Variants in SMYD3 observed in about 807,000 individuals in gnomAD.
SMYD3 encodes SET and MYND domain containing 3.
In SMYD3, 36 loss-of-function variants were observed where a neutral mutation model predicts 57.7. The ratio of observed to expected loss-of-function variants is 0.62; its 90% CI spans 0.48 to 0.82. The LOEUF is 0.82. SMYD3 is among the 40% of genes least tolerant of loss of function. The probability of loss-of-function intolerance (pLI) is 0.00; values close to 1 mark genes in which losing one functional copy is unlikely to be tolerated. For missense variants in SMYD3, 515 were observed against 538.8 expected, an observed-to-expected ratio of 0.96 and a Z score of 0.44; for synonymous variants, 211 against 195.0, an observed-to-expected ratio of 1.08 and a Z score of -0.68.
rs1450524193 is a variant in SMYD3 at position 246,374,555 on chromosome 1, T to G, written c.165-19461A>C. Reference sequence around the variant, plus strand: ...GTACCACAGTGCTGTCTCGTGTCCCTAAGCACAAGAAAGTTGTAATATATG... The same window carrying G: ...GTACCACAGTGCTGTCTCGTGTCCCGAAGCACAAGAAAGTTGTAATATATG... On this transcript the variant is annotated intron_variant, in intron 1 of 11. Coordinates refer to ENST00000490107, the MANE Select transcript of SMYD3 (RefSeq NM_001167740.2). Among the ~76,000 whole-genome samples the G allele has an allele frequency of 1.8e-4, 18 of 102,434 alleles. No individual in the cohort carries two copies. In the Admixed American group the frequency reaches 2.1e-3, roughly 12 times the overall value. The allele number at this position is 102,434 out of a possible 152,430, so 67.2% of individuals were successfully genotyped here.
chr1:246,328,847 C>G (rs887831958), intron 4 of SMYD3, among the ~76,000 whole-genome samples: 3 of 151,934 alleles, frequency 2.0e-5, no homozygotes, highest in African/African-American at 7.3e-5. Flanking sequence ...CCACTCCCCC[C>G]ACCCCACAAC....
intron 1 of SMYD3, among the ~76,000 whole-genome samples, chr1:246,410,197 C>T (rs1321002078): frequency 6.6e-6 from 1 of 152,160 alleles, no homozygotes; most frequent in East Asian, 1.9e-4. Flanking sequence ...GCCAGAATTT[C>T]CAACACTATA....
intron 5 of SMYD3, among the ~76,000 whole-genome samples, chr1:246,076,064 C>A (rs1346231586): frequency 1.3e-5 from 2 of 152,090 alleles, no homozygotes; most frequent in Admixed American, 6.6e-5. Flanking sequence ...TCAGCAAATT[C>A]TATTTCTTGC....
At chr1:245,762,130 T>A (rs1322807354) in intron 11 of SMYD3, among the ~76,000 whole-genome samples, 1 of 152,144 alleles carries the variant, frequency 6.6e-6, no homozygotes, top group African/African-American at 2.4e-5. Context: ...CCATGTTGAA[T>A]TAAATTGAAC....
intron 5 of SMYD3, among the ~76,000 whole-genome samples, chr1:246,027,733 C>T (rs1047559170): frequency 2.0e-5 from 3 of 152,156 alleles, no homozygotes; most frequent in African/African-American, 7.2e-5. Context: ...TGTTTTCTTG[C>T]CTACTAACAC....
intron 1 of SMYD3, among the ~76,000 whole-genome samples, chr1:246,393,596 T>C (rs2066605758): frequency 1.3e-5 from 2 of 149,788 alleles, no homozygotes; most frequent in South Asian, 4.2e-4. Context: ...CTTGGCACTT[T>C]GGGAGGCCAA....
chr1:245,785,607 A>G (rs1451331120), intron 10 of SMYD3, among the ~76,000 whole-genome samples: 2 of 151,814 alleles, frequency 1.3e-5, no homozygotes, highest in East Asian at 3.9e-4. Flanking sequence ...GTTTTCTTTC[A>G]AGAGACAGGG....
rs577581964 is a variant in SMYD3, at chr1:246,125,087, AACAC to A, written c.532-195154_532-195151del. Among the ~76,000 whole-genome samples the A allele has an allele frequency of 9.4e-3, 1,335 of 142,474 alleles. 221 individuals are homozygous for A. The highest frequency in any genetic ancestry group is 0.054 in the Middle Eastern group (15 of 280). 93.5% of individuals were successfully genotyped at this position (142,474 alleles called of 152,430 possible). A position where few individuals can be genotyped will look rare whatever the true frequency, so the allele number is the denominator to read the frequency against. On this transcript the variant is annotated intron_variant, in intron 5 of 11. Transcript: ENST00000490107. The stretch of plus-strand genomic sequence containing the variant: ...ACTCCGTCTCAAAAAAAAAAAAAAA[AACAC>A]ACACACACACACACATCTGGAATTT...
At chr1:246,110,064 A>G (rs2061205547) in intron 5 of SMYD3, among the ~76,000 whole-genome samples, 2 of 152,172 alleles carry the variant, frequency 1.3e-5, no homozygotes, top group South Asian at 4.1e-4. Context: ...TTTCCAAGCT[A>G]TTTCTCATTT....
At chr1:246,069,804 G>A (rs2060411308) in intron 5 of SMYD3, among the ~76,000 whole-genome samples, 1 of 152,130 alleles carries the variant, frequency 6.6e-6, no homozygotes, top group African/African-American at 2.4e-5. Flanking sequence ...ATTCCATTTG[G>A]GGTTGGTGGT....
chr1:246,375,331 T>C (rs1396716905), intron 1 of SMYD3, among the ~76,000 whole-genome samples: 8 of 90,896 alleles, frequency 8.8e-5, no homozygotes, highest in African/African-American at 4.5e-4. Flanking sequence ...GAGACTTTTT[T>C]TTTTTTTTTT....
chr1:245,947,395 G>A (rs574120035), intron 5 of SMYD3: 24 of 456,974 alleles, frequency 5.3e-5, no homozygotes, highest in African/African-American at 4.0e-4. Context: ...TTCCTACCCC[G>A]GTCCTCCTCC....
At chr1:245,908,887 T>TA (rs1360688996) in intron 8 of SMYD3, among the ~76,000 whole-genome samples, 10 of 152,122 alleles carry the variant, frequency 6.6e-5, no homozygotes, top group African/African-American at 2.2e-4. Flanking sequence ...TTAAAAAGTC[T>TA]AACAATGTAT....
At chr1:245,921,547 G>GTATATATATA (rs1491323831) in intron 7 of SMYD3, among the ~76,000 whole-genome samples, 352 of 34,968 alleles carry the variant, frequency 0.01, 7 homozygotes, top group African/African-American at 0.014. Context: ...AAAAAATGTG[G>GTATATATATA]TGTATATATA....
At chr1:245,879,401 G>C (rs1217472388) in intron 8 of SMYD3, among the ~76,000 whole-genome samples, 1 of 152,220 alleles carries the variant, frequency 6.6e-6, no homozygotes, top group East Asian at 1.9e-4. Flanking sequence ...GAGATGGGGA[G>C]TAGGCAGCAG....
intron 1 of SMYD3, among the ~76,000 whole-genome samples, chr1:246,374,958 T>C (rs2066249820): frequency 6.6e-6 from 1 of 152,190 alleles, no homozygotes; most frequent in African/African-American, 2.4e-5. Flanking sequence ...CAGGGCATGG[T>C]GGCTCATGCC....
intron 10 of SMYD3, among the ~76,000 whole-genome samples, chr1:245,797,602 C>A (rs1404424384): frequency 6.6e-6 from 1 of 151,430 alleles, no homozygotes; most frequent in African/African-American, 2.4e-5. Context: ...TGCAGCACAC[C>A]AACATGGCAC....
At chr1:245,829,251 A>G (rs1287319844) in intron 10 of SMYD3, among the ~76,000 whole-genome samples, 1 of 152,144 alleles carries the variant, frequency 6.6e-6, no homozygotes, top group African/African-American at 2.4e-5. Context: ...TAATGGAAGT[A>G]TTGAATATTT....
chr1:246,362,033 G>A (rs899023252), intron 1 of SMYD3, among the ~76,000 whole-genome samples: 2 of 152,046 alleles, frequency 1.3e-5, no homozygotes, highest in African/African-American at 4.8e-5. Context: ...AGAATGCTGT[G>A]GTACGCACCC....
Sources: gnomAD v4.1 joint callset for allele counts (sites outside exome capture counted in the v4.1 genomes callset) on GRCh38, gnomAD v4.1.1 for gene constraint, MANE v1.5 for transcripts, NCBI Gene and HGNC (gene_info 2026-07-23, HGNC 2026-07-21) for gene names.